ADCY8: variants seen among roughly 807,000 people sequenced by gnomAD.
ADCY8 encodes the protein adenylate cyclase 8, also known as adenylate cyclase type 8.
Under a neutral mutation model 119.7 loss-of-function variants are expected in ADCY8, and 51 were observed. The observed-to-expected ratio is 0.43, with a 90% CI of 0.34 to 0.54. The LOEUF (loss-of-function observed/expected upper bound fraction) is 0.54. ADCY8 is among the 20% of genes least tolerant of loss of function. The probability of loss-of-function intolerance (pLI) is 0.03; values close to 1 mark genes in which losing one functional copy is unlikely to be tolerated. For synonymous variants in ADCY8, 665 were observed against 651.0 expected, an observed-to-expected ratio of 1.02 and a Z score of -0.33; for missense variants, 1,383 against 1,598.8, an observed-to-expected ratio of 0.87 and a Z score of 2.30.
At chr8:131,019,459 G>A (rs1287775104) in intron 1 of ADCY8, among the ~76,000 whole-genome samples, 3 of 152,150 alleles carry the variant, frequency 2.0e-5, no homozygotes, top group African/African-American at 7.2e-5. Context: ...TATGATTCCT[G>A]TTAAGCTGCT....
At chr8:131,023,725 G>T (rs1823743807) in intron 1 of ADCY8, among the ~76,000 whole-genome samples, 1 of 152,154 alleles carries the variant, frequency 6.6e-6, no homozygotes. Flanking sequence ...TTCCCAGTTT[G>T]AAATCTGCAC....
At chr8:130,957,160 ATGGCT>A (rs1563744679) in intron 2 of ADCY8, among the ~76,000 whole-genome samples, 1 of 152,176 alleles carries the variant, frequency 6.6e-6, no homozygotes, top group Non-Finnish European at 1.5e-5. Context: ...GACTTGTTGA[ATGGCT>A]TTGACCATAA....
chr8:130,908,984 GCTCTCTCTCTCT>G (rs10532518), intron 6 of ADCY8, among the ~76,000 whole-genome samples: 1 of 131,466 alleles, frequency 7.6e-6, no homozygotes, highest in Non-Finnish European at 1.8e-5. Context: ...ATGTGGAAGT[GCTCTCTCTCTCT>G]CTCTCTCTCT....
chr8:130,942,530 G>A (rs1243376574), intron 4 of ADCY8, among the ~76,000 whole-genome samples: 1 of 152,192 alleles, frequency 6.6e-6, no homozygotes, highest in African/African-American at 2.4e-5. Flanking sequence ...ATACCTAGTA[G>A]GTGCTTAAAT....
chr8:130,982,653 C>T (rs1215292490), intron 2 of ADCY8, among the ~76,000 whole-genome samples: 3 of 152,004 alleles, frequency 2.0e-5, no homozygotes, highest in Non-Finnish European at 4.4e-5. Context: ...CAATACTGTC[C>T]AATAGAAATA....
At chr8:130,799,939 C>T (rs1815718014) in intron 15 of ADCY8, among the ~76,000 whole-genome samples, 1 of 152,132 alleles carries the variant, frequency 6.6e-6, no homozygotes, top group Admixed American at 6.5e-5. Flanking sequence ...GCATTTCCCC[C>T]CACAGAATGT....
At chr8:130,784,556 G>C (rs1351347050) in intron 16 of ADCY8, among the ~76,000 whole-genome samples, 1 of 152,162 alleles carries the variant, frequency 6.6e-6, no homozygotes, top group African/African-American at 2.4e-5. Flanking sequence ...TATGGTCTTT[G>C]TTGTGACACT....
intron 2 of ADCY8, among the ~76,000 whole-genome samples, chr8:130,989,746 A>G (rs1244313746): frequency 1.3e-5 from 2 of 152,184 alleles, no homozygotes; most frequent in Non-Finnish European, 2.9e-5. Context: ...ATTTTGGAGA[A>G]ATATATTATT....
chr8:130,899,181 A>G (rs1819511069), intron 7 of ADCY8, among the ~76,000 whole-genome samples: 1 of 152,212 alleles, frequency 6.6e-6, no homozygotes. Flanking sequence ...TAGCACTCAT[A>G]TTAAATCTTT....
intron 1 of ADCY8, among the ~76,000 whole-genome samples, chr8:131,016,133 A>T (rs557998229): frequency 1.3e-5 from 2 of 152,224 alleles, no homozygotes; most frequent in South Asian, 2.1e-4. Flanking sequence ...ATCTGGAGTG[A>T]TAGAAGGTAA....
intron 2 of ADCY8, among the ~76,000 whole-genome samples, chr8:130,975,393 C>T (rs1295138999): frequency 6.6e-6 from 1 of 152,172 alleles, no homozygotes; most frequent in Non-Finnish European, 1.5e-5. Context: ...TCTGAATGTG[C>T]TGCTGGGAGT....
intron 2 of ADCY8, among the ~76,000 whole-genome samples, chr8:130,970,895 A>G (rs1344186134): frequency 1.3e-5 from 2 of 152,196 alleles, no homozygotes; most frequent in Admixed American, 1.3e-4. Flanking sequence ...ACATGGTGGC[A>G]GGGAGAGAGG....
chr8:130,893,223 G>T (rs899939795), intron 7 of ADCY8, among the ~76,000 whole-genome samples: 1 of 152,162 alleles, frequency 6.6e-6, no homozygotes, highest in Non-Finnish European at 1.5e-5. Flanking sequence ...AGCTTTTTAA[G>T]TATCACATCC....
At chr8:130,849,128 T>G (rs769949977) in intron 10 of ADCY8, among the ~76,000 whole-genome samples, 18 of 151,862 alleles carry the variant, frequency 1.2e-4, no homozygotes, top group Non-Finnish European at 2.5e-4. Context: ...GGTCATGGAG[T>G]CAGACAGACC....
chr8:131,004,763 C>T (rs1185296241), intron 1 of ADCY8, among the ~76,000 whole-genome samples: 1 of 152,158 alleles, frequency 6.6e-6, no homozygotes, highest in Non-Finnish European at 1.5e-5. Flanking sequence ...TGCAGTCCTT[C>T]TAGGGGAGAG....
intron 1 of ADCY8, among the ~76,000 whole-genome samples, chr8:131,011,173 T>C (rs959171054): frequency 4.6e-5 from 4 of 86,762 alleles, no homozygotes; most frequent in African/African-American, 2.2e-4. Context: ...GTTTATTGAA[T>C]GAAAAAAAAA....
At chr8:130,973,534 C>T (rs1307323939) in intron 2 of ADCY8, among the ~76,000 whole-genome samples, 1 of 152,214 alleles carries the variant, frequency 6.6e-6, no homozygotes, top group East Asian at 1.9e-4. Flanking sequence ...TGCCCTATAC[C>T]ATCCAGCAGC....
intron 14 of ADCY8, among the ~76,000 whole-genome samples, chr8:130,802,798 C>A (rs922041464): frequency 6.6e-6 from 1 of 152,224 alleles, no homozygotes; most frequent in Non-Finnish European, 1.5e-5. Flanking sequence ...GCACTCTGCC[C>A]AAGTGACACG....
intron 7 of ADCY8, among the ~76,000 whole-genome samples, chr8:130,893,772 G>A (rs1014700796): frequency 6.6e-6 from 1 of 151,238 alleles, no homozygotes; most frequent in Non-Finnish European, 1.5e-5. Flanking sequence ...GTTTATGTGT[G>A]TGTGTTTGTG....
Sources: gnomAD v4.1 joint callset for allele counts (sites outside exome capture counted in the v4.1 genomes callset) on GRCh38, gnomAD v4.1.1 for gene constraint, MANE v1.5 for transcripts, NCBI Gene and HGNC (gene_info 2026-07-23, HGNC 2026-07-21) for gene names.